The following DNAJB6 variants were observed in gnomAD, a reference collection of about 807,000 sequenced individuals.
DNAJB6 encodes the protein dnaJ homolog subfamily B member 6.
A neutral mutation model predicts 42.7 loss-of-function variants in DNAJB6; 16 were observed. That is an observed-to-expected ratio of 0.37 (90% confidence interval 0.25 to 0.57). The LOEUF (loss-of-function observed/expected upper bound fraction) is 0.57. Among genes scored for constraint, DNAJB6 ranks in the 20% least tolerant of loss-of-function variants. DNAJB6 has a pLI of 0.74. For missense variants in DNAJB6, 347 were observed against 416.8 expected (o/e 0.83, Z 1.46); for synonymous variants, 170 against 163.5 (o/e 1.04, Z -0.30).
chr7:157,416,377 TCATTC>T lies in DNAJB6; in HGVS notation c.*280_*284del. ...TTCCTCTAGTGCTTCCGGATCCTCTTCATTCTTTTCGGCTACTCAACCACTCCGCA... is the reference window on the plus strand; with the variant it reads ...TTCCTCTAGTGCTTCCGGATCCTCTTTTTTCGGCTACTCAACCACTCCGCA... On this transcript the variant is annotated 3_prime_UTR_variant, in exon 10 of 10. Coordinates refer to ENST00000262177, the MANE Select transcript of DNAJB6 (RefSeq NM_058246.4). The T allele has an allele frequency of 4.7e-6, 2 of 426,218 alleles. No individual in the cohort carries two copies. The highest frequency in any genetic ancestry group is 8.6e-6 in the Non-Finnish European group (2 of 233,716). The allele number at this position is 426,218 out of a possible 1,614,324, so 26.4% of individuals were successfully genotyped here.
At position 157,344,816 on chromosome 7, in the gene DNAJB6, T is replaced by C. The variant is rs1798601859; in HGVS notation, c.-27+7672T>C. ...TTCGTAGAGACAAGATTTTGCTGTGTTACTCAGCGTGGTCTTGAACTCCTG... is the reference window on the plus strand; with the variant it reads ...TTCGTAGAGACAAGATTTTGCTGTGCTACTCAGCGTGGTCTTGAACTCCTG... On this transcript the variant is annotated intron_variant, in intron 1 of 9. Coordinates refer to ENST00000262177, the MANE Select transcript of DNAJB6 (RefSeq NM_058246.4). 2.0e-5 allele frequency among the ~76,000 whole-genome samples: 3 copies of C among 152,086 alleles called. No homozygotes were observed. In the South Asian group the frequency reaches 6.2e-4, roughly 32 times the overall value.
chr7:157,399,253 C>T (rs775116948), intron 8 of DNAJB6, among the ~76,000 whole-genome samples: 3 of 152,170 alleles, frequency 2.0e-5, no homozygotes, highest in African/African-American at 4.8e-5. Context: ...TGTGGCCCCC[C>T]GCCATCCCCT....
intron 8 of DNAJB6, among the ~76,000 whole-genome samples, chr7:157,403,077 G>T (rs1439929597): frequency 6.6e-6 from 1 of 152,160 alleles, no homozygotes; most frequent in African/African-American, 2.4e-5. Flanking sequence ...GTCCCTACAC[G>T]CAAGATGTAC....
intron 1 of DNAJB6, among the ~76,000 whole-genome samples, chr7:157,340,325 CATT>C (rs1252139096): frequency 1.3e-5 from 2 of 152,134 alleles, no homozygotes; most frequent in African/African-American, 4.8e-5. Context: ...ACTGCAGGCT[CATT>C]AGCGAGTAAG....
intron 1 of DNAJB6, among the ~76,000 whole-genome samples, chr7:157,348,878 G>T (rs1394279311): frequency 6.6e-6 from 1 of 152,160 alleles, no homozygotes; most frequent in African/African-American, 2.4e-5. Context: ...TATTTTGCCT[G>T]AGCATACGCT....
At chr7:157,402,176 G>C (rs1795545180) in intron 8 of DNAJB6, among the ~76,000 whole-genome samples, 1 of 152,238 alleles carries the variant, frequency 6.6e-6, no homozygotes. Context: ...GCCCAGGCTG[G>C]TCTCGAACTC....
At chr7:157,390,462 C>G (rs1169763985) in intron 8 of DNAJB6, among the ~76,000 whole-genome samples, 5 of 152,236 alleles carry the variant, frequency 3.3e-5, no homozygotes, top group Non-Finnish European at 7.3e-5. Context: ...CCTCTTCCCC[C>G]TAGCTGGTTA....
At chr7:157,414,034 T>TA (rs1305768958) in intron 9 of DNAJB6, 3 of 152,154 alleles carry the variant, frequency 2.0e-5, no homozygotes, top group African/African-American at 7.2e-5. Flanking sequence ...AGTGGAGGCT[T>TA]GAAGAACACC....
intron 1 of DNAJB6, among the ~76,000 whole-genome samples, chr7:157,354,685 G>A (rs768560112): frequency 1.6e-4 from 24 of 152,164 alleles, no homozygotes; most frequent in Non-Finnish European, 2.6e-4. Context: ...CACAGGGCAG[G>A]ATGAAATTAG....
At chr7:157,395,956 T>C (rs1471090534) in intron 8 of DNAJB6, among the ~76,000 whole-genome samples, 1 of 149,596 alleles carries the variant, frequency 6.7e-6, no homozygotes, top group Non-Finnish European at 1.5e-5. Context: ...AATTTTTTTT[T>C]TTTTTTTTGG....
chr7:157,393,719 T>C (rs1801458647), intron 8 of DNAJB6, among the ~76,000 whole-genome samples: 1 of 152,190 alleles, frequency 6.6e-6, no homozygotes, highest in Non-Finnish European at 1.5e-5. Flanking sequence ...ATTGTACGTA[T>C]TTGTAGGGTG....
intron 5 of DNAJB6, among the ~76,000 whole-genome samples, chr7:157,372,472 C>T (rs1800264328): frequency 6.6e-6 from 1 of 152,184 alleles, no homozygotes; most frequent in African/African-American, 2.4e-5. Flanking sequence ...TGGGGCGCTG[C>T]CGGCACCACC....
At chr7:157,409,774 T>G in intron 8 of DNAJB6, 21 bp from the exon 9 acceptor site, 2 of 1,508,304 alleles carry the variant, frequency 1.3e-6, no homozygotes, top group Non-Finnish European at 1.8e-6. Context: ...CACGGCTCTC[T>G]CTCTCCCGCT....
At chr7:157,374,299 C>T (rs570172412) in intron 5 of DNAJB6, among the ~76,000 whole-genome samples, 6 of 152,224 alleles carry the variant, frequency 3.9e-5, no homozygotes, top group Admixed American at 2.0e-4. Flanking sequence ...CTCACTCTGT[C>T]GCCCAGCTGG....
At chr7:157,346,183 GA>G (rs200184337) in intron 1 of DNAJB6, among the ~76,000 whole-genome samples, 2,861 of 152,210 alleles carry the variant, frequency 0.019, 34 homozygotes, top group Non-Finnish European at 0.03. Context: ...TTAGGGAGAT[GA>G]AGGCCAGTTA....
chr7:157,360,546 A>G (rs552413884), intron 2 of DNAJB6, among the ~76,000 whole-genome samples: 6 of 152,360 alleles, frequency 3.9e-5, no homozygotes, highest in Middle Eastern at 3.4e-3. Flanking sequence ...TTCTGAGAAC[A>G]TACAGGTTGC....
intron 1 of DNAJB6, among the ~76,000 whole-genome samples, chr7:157,344,206 T>G (rs1473009612): frequency 1.3e-5 from 2 of 152,180 alleles, no homozygotes; most frequent in Non-Finnish European, 2.9e-5. Flanking sequence ...CTGGGCGTGG[T>G]GACAGGTGCC....
intron 8 of DNAJB6, among the ~76,000 whole-genome samples, chr7:157,398,574 C>G (rs1447921768): frequency 1.3e-5 from 2 of 152,222 alleles, no homozygotes; most frequent in Admixed American, 1.3e-4. Flanking sequence ...AGCTGCGGAA[C>G]ATTCCTCTAA....
At chr7:157,390,085 G>A (rs779332501) in intron 8 of DNAJB6, among the ~76,000 whole-genome samples, 15 of 152,256 alleles carry the variant, frequency 9.9e-5, no homozygotes, top group Non-Finnish European at 2.2e-4. Context: ...TGGCAGGTGT[G>A]CCCTGGAAGC....
Sources: gnomAD v4.1 joint callset for allele counts (sites outside exome capture counted in the v4.1 genomes callset) on GRCh38, gnomAD v4.1.1 for gene constraint, MANE v1.5 for transcripts, NCBI Gene and HGNC (gene_info 2026-07-23, HGNC 2026-07-21) for gene names.